Variants in CASP2 observed in about 807,000 individuals in gnomAD.
The protein encoded by CASP2 is caspase 2.
In CASP2, 38 loss-of-function variants were observed where a neutral mutation model predicts 54.4. The ratio of observed to expected loss-of-function variants is 0.70; its 90% CI spans 0.54 to 0.92. CASP2 has a LOEUF of 0.92. Among genes scored for constraint, CASP2 ranks in the 40% least tolerant of loss-of-function variants. The probability of loss-of-function intolerance (pLI) is 0.00; values close to 1 mark genes in which losing one functional copy is unlikely to be tolerated. For synonymous variants in CASP2, 215 were observed against 216.3 expected (o/e 0.99, Z 0.05); for missense variants, 512 against 579.6 (o/e 0.88, Z 1.20).
intron 8 of CASP2, 162 bp from the exon 9 acceptor site, chr7:143,303,622 T>A (rs111737095): frequency 5.7e-5 from 8 of 141,316 alleles, no homozygotes; most frequent in African/African-American, 7.8e-5. Flanking sequence ...AGAGTAATAA[T>A]TTTTTTTTTT....
rs1802087106 is a variant in CASP2 at position 143,307,115 on chromosome 7, A to G, written c.*2044A>G. ...GGGCCCTTCAGTCCCTGAGCAGTCT[A>G]CTTCTGTGTCTGTCACCACATCTTG... On this transcript the variant is annotated 3_prime_UTR_variant, in exon 11 of 11. Transcript: ENST00000310447. 6.6e-6 allele frequency: 1 copy of G among 152,180 alleles called. No homozygotes were observed. The highest frequency in any genetic ancestry group is 6.5e-5 in the Admixed American group (1 of 15,280). The allele number at this position is 152,180 out of a possible 1,614,324, so 9.4% of individuals were successfully genotyped here. A position where few individuals can be genotyped will look rare whatever the true frequency, so the allele number is the denominator to read the frequency against.
intron 6 of CASP2, among the ~76,000 whole-genome samples, chr7:143,295,539 T>C (rs1423327592): frequency 6.6e-6 from 1 of 152,246 alleles, no homozygotes; most frequent in East Asian, 1.9e-4. Context: ...TTATTTTGAT[T>C]CCAGAATAGT....
At chr7:143,292,206 C>A (rs1238333079) in intron 2 of CASP2, 94 bp from the exon 3 acceptor site, 5 of 1,286,786 alleles carry the variant, frequency 3.9e-6, no homozygotes, top group Non-Finnish European at 5.6e-6. Context: ...AAAAAGAATT[C>A]TTGGATGAGG....
chr7:143,302,936 G>A (rs1801957619), intron 8 of CASP2: 1 of 152,094 alleles, frequency 6.6e-6, no homozygotes, highest in African/African-American at 2.4e-5. Flanking sequence ...GGAGAAAACA[G>A]TCAAGTTCTC....
intron 4 of CASP2, chr7:143,293,041 G>A (rs543213771): frequency 8.3e-6 from 5 of 601,068 alleles, no homozygotes; most frequent in East Asian, 5.5e-5. Context: ...ATAAAAAGGA[G>A]GGGGGTGTCC....
At position 143,303,378 on chromosome 7, in the gene CASP2, A is replaced by G. The variant is rs548200381; in HGVS notation, c.968-406A>G. ...CTTGTTTATGTAATTAAATATATCA[A>G]TATTTTATTATGTATTGCAATAAAA... On this transcript the variant is annotated intron_variant, in intron 8 of 10. Transcript: ENST00000310447. The G allele has an allele frequency of 2.2e-4, 36 of 163,120 alleles. No individual in the cohort carries two copies. The South Asian group carries it at 4.0e-3, about 18-fold the overall frequency. The allele number at this position is 163,120 out of a possible 1,614,324, so 10.1% of individuals were successfully genotyped here.
chr7:143,300,270 T>C lies in CASP2; in HGVS notation c.943T>C (p.Phe315Leu). ...CPSLQNKPKMFFIQACRGDET... is the reference protein window; with the variant it reads ...CPSLQNKPKMLFIQACRGDET... ...AAGCCTACAGAACAAACCAAAAATG[T>C]TCTTCATCCAGGCCTGCCGTGGAGG... is the stretch of plus-strand genomic sequence containing the variant. The change falls in exon 8 of 11, where the codon TTC (phenylalanine) becomes CTC (leucine). Residue 315 changes from phenylalanine (F) to leucine (L), a missense_variant. Physicochemically the swap from Phe to Leu is conservative, Grantham distance 22 (BLOSUM62 0). Transcript: ENST00000310447. The C allele has an allele frequency of 6.2e-7, 1 of 1,614,108 alleles. No individual in the cohort carries two copies. The highest frequency in any genetic ancestry group is 8.5e-7 in the Non-Finnish European group (1 of 1,180,020).
chr7:143,289,693 A>T lies in CASP2; in HGVS notation c.74+1164A>T, dbSNP rs1205230300. On this transcript the variant is annotated intron_variant, in intron 1 of 10. Coordinates refer to ENST00000310447, the MANE Select transcript of CASP2 (RefSeq NM_032982.4). ...AGCTGCAGTGTTATATGTGATCGTT[A>T]TTACTGCTTTGACGTATTCGAAAGT... The T allele has an allele frequency of 1.9e-5, 14 of 742,702 alleles. No individual in the cohort carries two copies. The Admixed American group carries it at 8.8e-4, about 46-fold the overall frequency. 46.0% of individuals were successfully genotyped at this position (742,702 alleles called of 1,614,324 possible).
intron 6 of CASP2, among the ~76,000 whole-genome samples, chr7:143,295,770 T>C (rs1801726838): frequency 1.3e-5 from 2 of 152,214 alleles, no homozygotes; most frequent in South Asian, 4.1e-4. Context: ...GTGTTGTCCT[T>C]TACATGCTAT....
intron 6 of CASP2, 123 bp from the exon 7 acceptor site, chr7:143,299,800 C>A: frequency 1.9e-6 from 2 of 1,068,052 alleles, no homozygotes; most frequent in Non-Finnish European, 2.9e-6. Flanking sequence ...TTATCATTGA[C>A]CACAGGAATA....
intron 5 of CASP2, 89 bp from the exon 6 acceptor site, chr7:143,294,508 G>T (rs147986091): frequency 7.6e-7 from 1 of 1,316,776 alleles, no homozygotes. Context: ...AGAAAAATAC[G>T]ATGTCTTTGT....
At chr7:143,293,519 T>G (rs1326933326) in intron 4 of CASP2, among the ~76,000 whole-genome samples, 2 of 151,824 alleles carry the variant, frequency 1.3e-5, no homozygotes, top group African/African-American at 2.4e-5. Context: ...TTTGTTTTTT[T>G]TTTTTCTTGT....
At chr7:143,298,745 C>G (rs1367659020) in intron 6 of CASP2, 1 of 151,708 alleles carries the variant, frequency 6.6e-6, no homozygotes, top group African/African-American at 2.4e-5. Context: ...CTGTGCTGAT[C>G]AGTAGTGATC....
chr7:143,304,095 G>A (rs187225186), intron 9 of CASP2, among the ~76,000 whole-genome samples, 162 bp downstream of exon 9: 163 of 152,168 alleles, frequency 1.1e-3, no homozygotes, highest in Middle Eastern at 6.8e-3. Context: ...GAATATTTGC[G>A]TTATACTTAC....
intron 6 of CASP2, among the ~76,000 whole-genome samples, chr7:143,296,395 TC>T (rs1236409987): frequency 6.6e-6 from 1 of 152,140 alleles, no homozygotes; most frequent in Non-Finnish European, 1.5e-5. Context: ...CCTCTTATAT[TC>T]CTAACGACCA....
At chr7:143,297,507 C>T (rs746363149) in intron 6 of CASP2, among the ~76,000 whole-genome samples, 1 of 152,142 alleles carries the variant, frequency 6.6e-6, no homozygotes, top group Non-Finnish European at 1.5e-5. Flanking sequence ...AGTGCAATGG[C>T]GCGATCTGGG....
intron 6 of CASP2, among the ~76,000 whole-genome samples, chr7:143,297,203 C>A (rs1261305292): frequency 6.6e-6 from 1 of 152,136 alleles, no homozygotes; most frequent in Non-Finnish European, 1.5e-5. Context: ...AGTTAAGAAC[C>A]CTGCTATTTA....
chr7:143,292,889 T>TA (rs1189481683), intron 4 of CASP2, among the ~76,000 whole-genome samples, 191 bp downstream of exon 4: 1 of 152,120 alleles, frequency 6.6e-6, no homozygotes, highest in Non-Finnish European at 1.5e-5. Context: ...TGGGTGCCTG[T>TA]AATCCCAGCT....
intron 8 of CASP2, 177 bp downstream of exon 8, chr7:143,300,471 G>A (rs1287827257): frequency 6.3e-7 from 1 of 1,594,426 alleles, no homozygotes; most frequent in Non-Finnish European, 8.5e-7. Flanking sequence ...GGGGTGTGCT[G>A]GGACTTGGGC....
Sources: gnomAD v4.1 joint callset for allele counts (sites outside exome capture counted in the v4.1 genomes callset) on GRCh38, gnomAD v4.1.1 for gene constraint, MANE v1.5 for transcripts, NCBI Gene and HGNC (gene_info 2026-07-23, HGNC 2026-07-21) for gene names.